Variants in MAST3 observed in about 807,000 individuals in gnomAD.
The protein encoded by MAST3 is microtubule-associated serine/threonine-protein kinase 3.
Under a neutral mutation model 127.0 loss-of-function variants are expected in MAST3, and 43 were observed. That is an observed-to-expected ratio of 0.34 (90% CI 0.27 to 0.44). The LOEUF is 0.44. MAST3 is among the 20% of genes least tolerant of loss of function. MAST3 has a pLI of 1.00. For missense variants in MAST3, 1,390 were observed against 1,919.1 expected (o/e 0.72, Z 5.15); for synonymous variants, 785 against 809.2 (o/e 0.97, Z 0.51).
At chr19:18,109,428 GAATC>G (rs1320257694) in intron 2 of MAST3, among the ~76,000 whole-genome samples, 1 of 152,134 alleles carries the variant, frequency 6.6e-6, no homozygotes, top group Admixed American at 6.6e-5. Context: ...GTTGGACCGT[GAATC>G]AATGAGGACT....
rs553833905 is a variant in MAST3 at position 18,129,342 on chromosome 19, C to A, written c.1223+391C>A. ...TTTTGGAGGCTGAGGTTCCAGGAGT[C>A]ACCATCAAGAGGGAGAGGCCGGCAA... On this transcript the variant is annotated intron_variant, in intron 13 of 27. Transcript: ENST00000687212. 8.3e-5 allele frequency: 15 copies of A among 180,826 alleles called. No individual in the cohort carries two copies. In the Admixed American group the frequency reaches 8.6e-4, roughly 10 times the overall value. 11.2% of individuals were successfully genotyped at this position (180,826 alleles called of 1,614,324 possible).
intron 2 of MAST3, among the ~76,000 whole-genome samples, chr19:18,109,209 A>T (rs1009320634): frequency 4.3e-5 from 6 of 139,778 alleles, no homozygotes; most frequent in Non-Finnish European, 1.6e-5. Flanking sequence ...GAGTGAGTGG[A>T]GATGAGGTGG....
chr19:18,122,147 G>C (rs896794841), intron 5 of MAST3: 6 of 984,954 alleles, frequency 6.1e-6, no homozygotes, highest in Non-Finnish European at 7.2e-6. Flanking sequence ...ACCAGCCCAG[G>C]GGGTGGGGGG....
chr19:18,114,637 G>T (rs151312971), intron 3 of MAST3, among the ~76,000 whole-genome samples: 87 of 152,296 alleles, frequency 5.7e-4, no homozygotes, highest in African/African-American at 2.0e-3. Flanking sequence ...TACAGCAGGT[G>T]CTCAGTTAAT....
Position 18,145,596 on chromosome 19 carries a change from G to A in MAST3, c.3040-147G>A. The A allele has an allele frequency of 1.1e-6, 1 of 896,642 alleles. No homozygotes were observed. The highest frequency in any genetic ancestry group is 3.0e-5 in the East Asian group (1 of 33,178). 55.5% of individuals were successfully genotyped at this position (896,642 alleles called of 1,614,324 possible). A position where few individuals can be genotyped will look rare whatever the true frequency, so the allele number is the denominator to read the frequency against. On this transcript the variant is annotated intron_variant, in intron 24 of 27. Transcript: ENST00000687212. The surrounding 1 kb of genome is among the most constrained non-coding windows in gnomAD (Gnocchi z 5.9). ...GGCGTAGGAGCTGGGGCTTTGATGG[G>A]TGAGTAGGAGTTCCCCCAGGATCAG...
intron 3 of MAST3, among the ~76,000 whole-genome samples, chr19:18,115,653 A>G (rs1007666780): frequency 6.6e-6 from 1 of 151,886 alleles, no homozygotes; most frequent in African/African-American, 2.4e-5. Flanking sequence ...AAATCCACCC[A>G]CTTTTCTCCA....
intron 1 of MAST3, among the ~76,000 whole-genome samples, chr19:18,101,669 C>G (rs907891992): frequency 6.6e-6 from 1 of 152,082 alleles, no homozygotes; most frequent in African/African-American, 2.4e-5. Flanking sequence ...CTTGCCCTGT[C>G]GCCCAGGCTG....
Position 18,113,741 on chromosome 19 carries a change from C to T in MAST3, c.161+3000C>T, listed in dbSNP as rs1221793323. ...CCTCCCACAATGCTGGAATTACAAG[C>T]GTGAGCCACTGCGCCTGGCCTGATC... On this transcript the variant is annotated intron_variant, in intron 3 of 27. Coordinates refer to ENST00000687212, the MANE Select transcript of MAST3 (RefSeq NM_001393504.1). Among the ~76,000 whole-genome samples the T allele has an allele frequency of 2.6e-5, 4 of 152,168 alleles. No individual in the cohort carries two copies. The East Asian group carries it at 7.7e-4, about 29-fold the overall frequency.
At chr19:18,128,513 C>G (rs1433992568) in intron 12 of MAST3, 55 bp downstream of exon 12, 8 of 1,499,432 alleles carry the variant, frequency 5.3e-6, no homozygotes, top group Non-Finnish European at 6.3e-6. Context: ...CAGAGTGGAC[C>G]AGGCACCCGC....
At chr19:18,116,721 C>A (rs560246649) in intron 3 of MAST3, among the ~76,000 whole-genome samples, 116 of 131,592 alleles carry the variant, frequency 8.8e-4, no homozygotes, top group African/African-American at 3.2e-3. Flanking sequence ...ACGAGCCTGG[C>A]CAACATGGTG....
At chr19:18,147,294 G>C (rs567590624) in intron 26 of MAST3, 149 bp from the exon 27 acceptor site, 4 of 751,214 alleles carry the variant, frequency 5.3e-6, no homozygotes, top group Non-Finnish European at 8.6e-6. Flanking sequence ...GTAGAGACAG[G>C]GTTTCGCCAT....
At chr19:18,130,142 G>T (rs2041113924) in intron 13 of MAST3, among the ~76,000 whole-genome samples, 2 of 152,004 alleles carry the variant, frequency 1.3e-5, no homozygotes, top group African/African-American at 4.8e-5. Flanking sequence ...GAGCCGGGGG[G>T]GTGGTAAAGA....
chr19:18,149,891 G>A lies in MAST3; in HGVS notation c.*165G>A, dbSNP rs945431303. On this transcript the variant is annotated 3_prime_UTR_variant, in exon 28 of 28. Coordinates refer to ENST00000687212, the MANE Select transcript of MAST3 (RefSeq NM_001393504.1). This position sits in a 1 kb window ranked among gnomAD's most constrained non-coding sequence, Gnocchi z 5.9. ...AGGTGGAGACATCGCTTGTGTTCTGGTGTCAATCGGGGCTGGATGGGGCAA... is the reference window on the plus strand; with the variant it reads ...AGGTGGAGACATCGCTTGTGTTCTGATGTCAATCGGGGCTGGATGGGGCAA... 3 of 859,890 alleles carry A rather than the reference G, an allele frequency of 3.5e-6. No individual in the cohort carries two copies. The African/African-American group carries it at 1.5e-4, about 42-fold the overall frequency. 53.3% of individuals were successfully genotyped at this position (859,890 alleles called of 1,614,324 possible).
intron 15 of MAST3, among the ~76,000 whole-genome samples, chr19:18,133,549 A>AT (rs3048882): frequency 0.31 from 28,722 of 91,784 alleles, 7,211 homozygotes; most frequent in African/African-American, 0.49. Context: ...CGCCCAGCTA[A>AT]TTTTTTTTTT....
At chr19:18,141,301 TG>T (rs2042448595) in intron 20 of MAST3, among the ~76,000 whole-genome samples, 1 of 151,226 alleles carries the variant, frequency 6.6e-6, no homozygotes, top group South Asian at 2.1e-4. Context: ...TTTAGGGATG[TG>T]GGGAGTGAGG....
intron 7 of MAST3, 78 bp downstream of exon 7, chr19:18,123,452 C>T (rs1174670772): frequency 6.6e-6 from 10 of 1,505,882 alleles, no homozygotes; most frequent in African/African-American, 2.8e-5. Flanking sequence ...TCCTCCTTCA[C>T]CCCAGCCCTG....
At chr19:18,135,714 C>G in intron 17 of MAST3, 26 bp from the exon 18 acceptor site, 1 of 1,562,456 alleles carries the variant, frequency 6.4e-7, no homozygotes, top group Non-Finnish European at 8.8e-7. Context: ...CTCCCTCCCT[C>G]ATTTTACCTC....
intron 1 of MAST3, among the ~76,000 whole-genome samples, chr19:18,103,303 C>T (rs571232019): frequency 1.3e-5 from 2 of 152,148 alleles, no homozygotes; most frequent in African/African-American, 4.8e-5. Context: ...TTTGGGAGGC[C>T]GAGATGGGAG....
rs559403141 is a variant in MAST3 at position 18,122,475 on chromosome 19, G to GC, written c.321-198_321-197insC. 6.8e-5 allele frequency among the ~76,000 whole-genome samples: 9 copies of GC among 132,424 alleles called. No individual in the cohort carries two copies. The East Asian group carries it at 1.4e-3, about 20-fold the overall frequency. The allele number at this position is 132,424 out of a possible 152,430, so 86.9% of individuals were successfully genotyped here. A position where few individuals can be genotyped will look rare whatever the true frequency, so the allele number is the denominator to read the frequency against. On this transcript the variant is annotated intron_variant, in intron 5 of 27. Transcript: ENST00000687212. ...GGACACAGTGGCAGCTGGACTCACG[G>GC]GGGGGCTTCCTGGAAGAGGTACCTA...
Sources: gnomAD v4.1 joint callset for allele counts (sites outside exome capture counted in the v4.1 genomes callset) on GRCh38, gnomAD v4.1.1 for gene constraint, Gnocchi (gnomAD v3.1) non-coding constraint, MANE v1.5 for transcripts, NCBI Gene and HGNC (gene_info 2026-07-23, HGNC 2026-07-21) for gene names.